Variants in ACD observed in about 807,000 individuals in gnomAD.
ACD encodes the protein adrenocortical dysplasia protein homolog.
A neutral mutation model predicts 53.9 loss-of-function variants in ACD; 39 were observed. That is an observed-to-expected ratio of 0.72 (90% CI 0.56 to 0.95). ACD has a LOEUF of 0.95. Ranked by LOEUF, ACD falls within the 40% of genes least tolerant of loss-of-function variation. ACD has a pLI of 0.00. For missense variants in ACD, 526 were observed against 587.9 expected (o/e 0.89, Z 1.09); for synonymous variants, 273 against 249.2 (o/e 1.10, Z -0.90).
Position 67,657,937 on chromosome 16 carries a change from C to T in ACD, c.1206+49G>A. ...TACCCATGCTCCCTCCCAGCTCTAC[C>T]TCAGGCCTTCCTTGTTCTACCCTCC... On this transcript the variant is annotated intron_variant, in intron 10 of 11. Transcript: ENST00000620761. This position sits in a 1 kb window ranked among gnomAD's most constrained non-coding sequence, Gnocchi z 4.5. The T allele has an allele frequency of 6.2e-7, 1 of 1,604,454 alleles. No individual in the cohort carries two copies.
rs1298464057 is a variant in ACD, at chr16:67,658,362, C to T, written c.830G>A (p.Gly277Glu). ...CATGTGGCCGGGTAAGGCCGGGGTT[C>T]CTGAGGAGGAGGGGACTTATTGTAG... is the stretch of plus-strand genomic sequence containing the variant. ...ASPPSSPSSS[G>E]TPALPGHMSS... The change falls in exon 10 of 12, where the codon GGA becomes GAA. Residue 277 changes from glycine (G) to glutamate (E), a missense_variant and splice_region_variant. Transcript: ENST00000620761. 2 of 1,613,494 alleles carry T rather than the reference C, an allele frequency of 1.2e-6. No homozygotes were observed. The highest frequency in any genetic ancestry group is 2.7e-5 in the African/African-American group (2 of 74,922).
chr16:67,659,853 C>T, intron 2 of ACD, 50 bp downstream of exon 2: 3 of 1,580,874 alleles, frequency 1.9e-6, no homozygotes, highest in Non-Finnish European at 2.6e-6. Context: ...CCGCCCACCT[C>T]GCGCTCTCCT....
rs1466433802 is a variant in ACD, at chr16:67,659,439, A to G, written c.414-20T>C. On this transcript the variant is annotated intron_variant, in intron 4 of 11. Coordinates refer to ENST00000620761, the MANE Select transcript of ACD (RefSeq NM_001082486.2). ...TGGTTGCTAAGAAAAAGAGAAGGGT[A>G]GTTAATGGGGGCCCAAGCCCTCCTA... 2.5e-6 allele frequency: 4 copies of G among 1,614,054 alleles called. No individual in the cohort carries two copies. Among genetic ancestry groups the G allele is most frequent in the Admixed American group, 3.3e-5 (2 of 60,024 alleles).
rs770184750 is a variant in ACD, at chr16:67,660,189, G to A, written c.32C>T (p.Pro11Leu). 2 of 1,612,526 alleles carry A rather than the reference G, an allele frequency of 1.2e-6. No homozygotes were observed. MAGSGRLVLR[P>L]WIRELILGSE... is the part of the protein sequence containing the mutation. ...CCCCAGAATCAGCTCCCGAATCCAG[G>A]GCCGTAGGACCAGCCTCCCCGAACC... is the stretch of plus-strand genomic sequence containing the variant. The change falls in exon 1 of 12, where the codon CCC becomes CTC. Residue 11 changes from proline to leucine, a missense_variant. Physicochemically the swap from Pro to Leu is moderately conservative, Grantham distance 98. Coordinates refer to ENST00000620761, the MANE Select transcript of ACD (RefSeq NM_001082486.2).
chr16:67,657,768 G>A lies in ACD; in HGVS notation c.1292C>T (p.Ala431Val). The A allele has an allele frequency of 4.3e-6, 7 of 1,614,062 alleles. No homozygotes were observed. The highest frequency in any genetic ancestry group is 5.1e-6 in the Non-Finnish European group (6 of 1,180,008). Residue 431 changes from alanine to valine, a missense_variant, in exon 11 of 12, where the codon GCT (alanine) becomes GTT (valine). Coordinates refer to ENST00000620761, the MANE Select transcript of ACD (RefSeq NM_001082486.2). This position sits in a 1 kb window ranked among gnomAD's most constrained non-coding sequence, Gnocchi z 4.5. The stretch of plus-strand genomic sequence containing the variant: ...GGCAGACCCAGGCACTCACCTGACA[G>A]CTTGGACCCGAGCACAGAGGGACGT... ...PCTSLCARVQAVRLPPQLMAW... is the reference protein window; with the variant it reads ...PCTSLCARVQVVRLPPQLMAW...
chr16:67,658,355 C>T lies in ACD; in HGVS notation c.837G>A (p.Pro279=), dbSNP rs201965477. The T allele has an allele frequency of 2.3e-4, 379 of 1,613,616 alleles. No homozygotes were observed. The highest frequency in any genetic ancestry group is 3.0e-4 in the Non-Finnish European group (354 of 1,179,902). Reference sequence around the variant, plus strand: ...CGGATGACATGTGGCCGGGTAAGGCCGGGGTTCCTGAGGAGGAGGGGACTT... The same window carrying T: ...CGGATGACATGTGGCCGGGTAAGGCTGGGGTTCCTGAGGAGGAGGGGACTT... The part of the protein sequence containing the change: ...PPSSPSSSGT[P]ALPGHMSSEE... The change falls in exon 10 of 12, where the codon CCG becomes CCA. Residue 279 remains proline (P), a synonymous_variant. Coordinates refer to ENST00000620761, the MANE Select transcript of ACD (RefSeq NM_001082486.2).
rs200012693 is a variant in ACD, at chr16:67,658,637, A to C, written c.747T>G (p.Pro249=). 1 of 1,578,862 alleles carries C rather than the reference A, an allele frequency of 6.3e-7. No homozygotes were observed. Among genetic ancestry groups the C allele is most frequent in the African/African-American group, 1.3e-5 (1 of 74,104 alleles). Reference sequence around the variant, plus strand: ...GAGCCGGGTCTGGTGGGGGCAGCTCAGGGCCTGGGGGGTTCAGGAAGTCTT... The same window carrying C: ...GAGCCGGGTCTGGTGGGGGCAGCTCCGGGCCTGGGGGGTTCAGGAAGTCTT... ...SLGPCQRTQG[P]ELPPPDPALQ... The change falls in exon 9 of 12, where the codon CCT becomes CCG. Residue 249 remains proline, a synonymous_variant. Transcript: ENST00000620761.
chr16:67,659,867 G>A, intron 2 of ACD, 36 bp downstream of exon 2: 1 of 1,580,290 alleles, frequency 6.3e-7, no homozygotes, highest in South Asian at 1.1e-5. Flanking sequence ...CTCTCCTGCC[G>A]GACTCCGACC....
rs1284661426 is a variant in ACD, at chr16:67,659,551, T to C, written c.399A>G (p.Leu133=). 1.2e-6 allele frequency: 2 copies of C among 1,613,064 alleles called. No individual in the cohort carries two copies. The highest frequency in any genetic ancestry group is 2.2e-5 in the East Asian group (1 of 44,858). Residue 133 remains leucine, a synonymous_variant, in exon 4 of 12, where the codon CTA becomes CTG. Transcript: ENST00000620761. ...GCATCACTTACCAACCAGGCACCCG[T>C]AGCCGGGGCTGCTCCGTGGGCAGCA... ...FSLLPTEQPR[L]RVPGCNQDLD... is the part of the protein sequence containing the mutation.
Position 67,659,983 on chromosome 16 carries a change from G to A in ACD, c.162C>T (p.Val54=), listed in dbSNP as rs371791290. The change falls in exon 2 of 12, where the codon GTC becomes GTT. Residue 54 remains valine, a synonymous_variant. Transcript: ENST00000620761. ...CGTCAGACACAAGCAGCGTGGCCCC[G>A]ACGTCGGACGTATCAGGGGCGTGGG... ...GPSHAPDTSD[V]GATLLVSDGT... 1 of 1,608,956 alleles carries A rather than the reference G, an allele frequency of 6.2e-7. No individual in the cohort carries two copies. Among genetic ancestry groups the A allele is most frequent in the Non-Finnish European group, 8.5e-7 (1 of 1,178,994 alleles).
chr16:67,659,150 C>T, intron 6 of ACD, 71 bp from the exon 7 acceptor site: 1 of 1,609,274 alleles, frequency 6.2e-7, no homozygotes, highest in South Asian at 1.1e-5. Context: ...GGGAAGACAG[C>T]TTATTGAGGA....
Position 67,657,922 on chromosome 16 carries a change from C to A in ACD, c.1206+64G>T, listed in dbSNP as rs2052904634. ...AACCCCATCCAAGGCTACCCATGCT[C>A]CCTCCCAGCTCTACCTCAGGCCTTC... On this transcript the variant is annotated intron_variant, in intron 10 of 11. Coordinates refer to ENST00000620761, the MANE Select transcript of ACD (RefSeq NM_001082486.2). This position sits in a 1 kb window ranked among gnomAD's most constrained non-coding sequence, Gnocchi z 4.5. 3 of 1,610,528 alleles carry A rather than the reference C, an allele frequency of 1.9e-6. No homozygotes were observed. The highest frequency in any genetic ancestry group is 8.5e-7 in the Non-Finnish European group (1 of 1,177,892).
At chr16:67,658,503 G>A in intron 9 of ACD, 52 bp downstream of exon 9, 1 of 1,571,164 alleles carries the variant, frequency 6.4e-7, no homozygotes, top group East Asian at 2.2e-5. Context: ...CGCAGCCCGG[G>A]AACCTGACTG....
In ACD at chr16:67,658,739, G is replaced by T. The variant is rs757919779; in HGVS notation, c.723C>A (p.Gly241=). ...ENDQLILSSL[G]PCQRTQGPEL... ...CCTTACCCTGTGTCCTCTGACAGGGGCCTAGAGAGCTCAGAATTAGCTGGT... is the reference window on the plus strand; with the variant it reads ...CCTTACCCTGTGTCCTCTGACAGGGTCCTAGAGAGCTCAGAATTAGCTGGT... The change falls in exon 8 of 12, where the codon GGC becomes GGA. Residue 241 remains glycine, a synonymous_variant. Transcript: ENST00000620761. 1.2e-6 allele frequency: 2 copies of T among 1,613,042 alleles called. No homozygotes were observed.
rs2142969814 is a variant in ACD, at chr16:67,658,609, G to T, written c.775C>A (p.Gln259Lys). The T allele has an allele frequency of 6.3e-7, 1 of 1,576,260 alleles. No homozygotes were observed. Among genetic ancestry groups the T allele is most frequent in the Non-Finnish European group, 8.6e-7 (1 of 1,159,894 alleles). The change falls in exon 9 of 12, where the codon CAG (glutamine) becomes AAG (lysine). Residue 259 changes from glutamine (Q) to lysine (K), a missense_variant. Physicochemically the swap from Gln to Lys is moderately conservative, Grantham distance 53 (BLOSUM62 1). Transcript: ENST00000620761. ...PELPPPDPALQDLSLTLIASP... is the reference protein window; with the variant it reads ...PELPPPDPALKDLSLTLIASP... The stretch of plus-strand genomic sequence containing the variant: ...GCTATGAGGGTCAGAGATAGGTCCT[G>T]CAGAGCCGGGTCTGGTGGGGGCAGC...
At position 67,659,971 on chromosome 16, in the gene ACD, C is replaced by T. The variant is rs768395580; in HGVS notation, c.174G>A (p.Leu58=). ...CACTGTGGGTCCCGTCAGACACAAGCAGCGTGGCCCCGACGTCGGACGTAT... is the reference window on the plus strand; with the variant it reads ...CACTGTGGGTCCCGTCAGACACAAGTAGCGTGGCCCCGACGTCGGACGTAT... ...APDTSDVGAT[L]LVSDGTHSVR... is the part of the protein sequence containing the mutation. The change falls in exon 2 of 12, where the codon CTG becomes CTA. Residue 58 remains leucine, a synonymous_variant. Transcript: ENST00000620761. The T allele has an allele frequency of 4.4e-6, 7 of 1,608,796 alleles. No individual in the cohort carries two copies. The highest frequency in any genetic ancestry group is 5.9e-6 in the Non-Finnish European group (7 of 1,179,046).
intron 6 of ACD, 29 bp from the exon 7 acceptor site, chr16:67,659,108 A>G: frequency 6.2e-7 from 1 of 1,610,126 alleles, no homozygotes. Flanking sequence ...GGGATGAGTC[A>G]AGGCTTAAAG....
Position 67,658,088 on chromosome 16 carries a change from AG to A in ACD, c.1103del (p.Pro368LeufsTer9). The A allele has an allele frequency of 6.4e-7, 1 of 1,569,910 alleles. No homozygotes were observed. Among genetic ancestry groups the A allele is most frequent in the Non-Finnish European group, 8.6e-7 (1 of 1,159,258 alleles). On this transcript the variant is annotated frameshift_variant, in exon 10 of 12. Coordinates refer to ENST00000620761, the MANE Select transcript of ACD (RefSeq NM_001082486.2). LOFTEE classifies it high-confidence loss of function. ...HQALVTRPQK[P>X]SLEFKEFVGL... is the part of the protein sequence containing the mutation. ...CTACAAACTCCTTGAACTCCAGGCT[AG>A]GTTTCTGGGGCCTGGTCACAAGAGC...
Position 67,657,743 on chromosome 16 carries a change from G to A in ACD, c.1298+19C>T. 6.2e-7 allele frequency: 1 copy of A among 1,614,006 alleles called. No homozygotes were observed. The highest frequency in any genetic ancestry group is 2.2e-5 in the East Asian group (1 of 44,890). On this transcript the variant is annotated intron_variant, in intron 11 of 11. Coordinates refer to ENST00000620761, the MANE Select transcript of ACD (RefSeq NM_001082486.2). This position sits in a 1 kb window ranked among gnomAD's most constrained non-coding sequence, Gnocchi z 4.5. The stretch of plus-strand genomic sequence containing the variant: ...CCTGGGACTAGTGACCAAGAGTTGG[G>A]GCAGACCCAGGCACTCACCTGACAG...
Sources: gnomAD v4.1 joint callset for allele counts on GRCh38, gnomAD v4.1.1 for gene constraint, Gnocchi (gnomAD v3.1) non-coding constraint, MANE v1.5 for transcripts, NCBI Gene and HGNC (gene_info 2026-07-23, HGNC 2026-07-21) for gene names.